Variants in RAPGEF2 observed in about 807,000 individuals in gnomAD.
The protein encoded by RAPGEF2 is Rap guanine nucleotide exchange factor 2, also known as PDZ domain containing guanine nucleotide exchange factor (GEF) 1.
A neutral mutation model predicts 186.7 loss-of-function variants in RAPGEF2; 54 were observed. The ratio of observed to expected loss-of-function variants is 0.29; its 90% CI spans 0.23 to 0.36. The LOEUF is 0.36. Ranked by LOEUF, RAPGEF2 falls within the 10% of genes least tolerant of loss-of-function variation. The pLI is 1.00. For synonymous variants in RAPGEF2, 712 were observed against 705.9 expected (o/e 1.01, Z -0.14); for missense variants, 1,532 against 2,045.0 (o/e 0.75, Z 4.84).
intron 25 of RAPGEF2, among the ~76,000 whole-genome samples, chr4:159,347,225 CAG>C (rs1253502787): frequency 1.3e-5 from 2 of 152,158 alleles, no homozygotes; most frequent in Non-Finnish European, 2.9e-5. Flanking sequence ...TTTGCTACGA[CAG>C]GGTGTTAATA....
intron 1 of RAPGEF2, among the ~76,000 whole-genome samples, chr4:159,125,839 T>G (rs747546831): frequency 4.6e-5 from 7 of 152,212 alleles, no homozygotes; most frequent in Non-Finnish European, 1.0e-4. Flanking sequence ...GAAAAGAGGC[T>G]GTTCCAATTG....
At chr4:159,211,437 ATATTT>A (rs1337353727) in intron 4 of RAPGEF2, among the ~76,000 whole-genome samples, 1 of 152,212 alleles carries the variant, frequency 6.6e-6, no homozygotes, top group African/African-American at 2.4e-5. Context: ...TACTAAATAA[ATATTT>A]TATTTGAATC....
At chr4:159,271,020 CAA>C (rs1758058590) in intron 7 of RAPGEF2, among the ~76,000 whole-genome samples, 1 of 152,146 alleles carries the variant, frequency 6.6e-6, no homozygotes, top group African/African-American at 2.4e-5. Context: ...CTGCATTTTT[CAA>C]AAGACTCCTG....
At position 159,358,284 on chromosome 4, in the gene RAPGEF2, C is replaced by T; in HGVS notation, c.*145C>T. The stretch of plus-strand genomic sequence containing the variant: ...CTGCCTTAAAAGCAGCATGGGGCTT[C>T]TTCTCCCCTTCTTCCTTTCCCCTTT... On this transcript the variant is annotated 3_prime_UTR_variant, in exon 30 of 30. Coordinates refer to ENST00000691494, the MANE Select transcript of RAPGEF2 (RefSeq NM_001394067.2). The T allele has an allele frequency of 1.5e-6, 1 of 681,504 alleles. No individual in the cohort carries two copies. The highest frequency in any genetic ancestry group is 2.8e-5 in the East Asian group (1 of 35,748). The allele number at this position is 681,504 out of a possible 1,614,324, so 42.2% of individuals were successfully genotyped here.
At chr4:159,167,784 G>T (rs920559988) in intron 1 of RAPGEF2, among the ~76,000 whole-genome samples, 3 of 152,170 alleles carry the variant, frequency 2.0e-5, no homozygotes, top group Non-Finnish European at 4.4e-5. Context: ...TGATCTTGGA[G>T]AAACAAATTT....
At chr4:159,203,576 T>G (rs1057421429) in intron 3 of RAPGEF2, among the ~76,000 whole-genome samples, 11 of 152,120 alleles carry the variant, frequency 7.2e-5, no homozygotes, top group African/African-American at 2.7e-4. Flanking sequence ...GTAATAAATT[T>G]ACAAGAGAAA....
At position 159,170,287 on chromosome 4, in the gene RAPGEF2, T is replaced by C. The variant is rs562672463; in HGVS notation, c.70-16355T>C. Among the ~76,000 whole-genome samples, 7 of 152,316 alleles carry C rather than the reference T, an allele frequency of 4.6e-5. No homozygotes were observed. In the South Asian group the frequency reaches 1.2e-3, roughly 27 times the overall value. On this transcript the variant is annotated intron_variant, in intron 1 of 29. Coordinates refer to ENST00000691494, the MANE Select transcript of RAPGEF2 (RefSeq NM_001394067.2). ...TTTTGCTATTGAGTTGTTTTTCTTATATATTTTGTATATTAACCCCCTATC... is the reference window on the plus strand; with the variant it reads ...TTTTGCTATTGAGTTGTTTTTCTTACATATTTTGTATATTAACCCCCTATC...
At chr4:159,244,577 C>CT (rs1202089996) in intron 7 of RAPGEF2, among the ~76,000 whole-genome samples, 3 of 151,852 alleles carry the variant, frequency 2.0e-5, no homozygotes, top group Non-Finnish European at 3.0e-5. Context: ...GGAAGAAAAA[C>CT]TGATTTATCC....
intron 4 of RAPGEF2, among the ~76,000 whole-genome samples, chr4:159,223,211 C>T (rs539364236): frequency 1.3e-5 from 2 of 151,624 alleles, no homozygotes; most frequent in African/African-American, 2.4e-5. Flanking sequence ...ATGTTTCTTA[C>T]GGCGTTATAG....
chr4:159,131,510 T>A (rs1163654266), intron 1 of RAPGEF2, among the ~76,000 whole-genome samples: 1 of 139,194 alleles, frequency 7.2e-6, no homozygotes. Flanking sequence ...CTTTGTCTGA[T>A]TAATTGCTAT....
chr4:159,168,921 T>C (rs907661097), intron 1 of RAPGEF2, among the ~76,000 whole-genome samples: 2 of 152,238 alleles, frequency 1.3e-5, no homozygotes, highest in African/African-American at 4.8e-5. Flanking sequence ...TTTGTGAATT[T>C]GGGAGTAAGA....
At chr4:159,198,307 TTTCTTTCTTTCTTTCTTTC>T (rs1472201872) in intron 3 of RAPGEF2, among the ~76,000 whole-genome samples, 2 of 76,916 alleles carry the variant, frequency 2.6e-5, no homozygotes, top group Non-Finnish European at 2.3e-5. Context: ...TCTTTCTTTC[TTTCTTTCTTTCTTTCTTTC>T]TTTCTTTCTT....
intron 1 of RAPGEF2, among the ~76,000 whole-genome samples, chr4:159,145,471 A>AAAAACATTGCC (rs1185390542): frequency 2.0e-5 from 3 of 150,440 alleles, no homozygotes; most frequent in Non-Finnish European, 3.0e-5. Flanking sequence ...ATAATTTACC[A>AAAAACATTGCC]AAAACATTGC....
At chr4:159,300,828 A>G (rs939140262) in intron 7 of RAPGEF2, among the ~76,000 whole-genome samples, 7 of 152,054 alleles carry the variant, frequency 4.6e-5, no homozygotes, top group African/African-American at 1.7e-4. Flanking sequence ...TATTTCTCAG[A>G]TCTGTGTTTC....
chr4:159,232,438 A>G (rs1410172128), intron 4 of RAPGEF2, among the ~76,000 whole-genome samples: 1 of 152,214 alleles, frequency 6.6e-6, no homozygotes, highest in Non-Finnish European at 1.5e-5. Flanking sequence ...AGGTTCATCC[A>G]TGTTGTAGCA....
At chr4:159,178,327 A>G (rs1561049697) in intron 1 of RAPGEF2, among the ~76,000 whole-genome samples, 1 of 152,148 alleles carries the variant, frequency 6.6e-6, no homozygotes, top group Non-Finnish European at 1.5e-5. Flanking sequence ...GTGGAGAAAT[A>G]TTAATCTGCT....
chr4:159,188,005 G>A (rs1747724662), intron 2 of RAPGEF2, among the ~76,000 whole-genome samples: 1 of 152,130 alleles, frequency 6.6e-6, no homozygotes. Flanking sequence ...GTAGATTGTA[G>A]ATTAAGTGTT....
intron 1 of RAPGEF2, among the ~76,000 whole-genome samples, chr4:159,129,287 G>C (rs1325175173): frequency 6.6e-6 from 1 of 152,048 alleles, no homozygotes; most frequent in Non-Finnish European, 1.5e-5. Flanking sequence ...TATCTCTTAA[G>C]AGTTACTTTG....
chr4:159,251,009 C>T (rs1333192409), intron 7 of RAPGEF2, among the ~76,000 whole-genome samples: 1 of 152,226 alleles, frequency 6.6e-6, no homozygotes, highest in African/African-American at 2.4e-5. Context: ...GCAGGCCCTG[C>T]ACTCAGAGTG....
Sources: allele counts gnomAD v4.1 joint callset (sites outside exome capture counted in the v4.1 genomes callset), GRCh38; gene constraint gnomAD v4.1.1; transcripts MANE v1.5; gene names NCBI Gene and HGNC (gene_info 2026-07-23, HGNC 2026-07-21).